The following TMEM150B variants were observed in gnomAD, a reference collection of about 807,000 sequenced individuals.
The protein encoded by TMEM150B is modulator of macroautophagy TMEM150B.
In TMEM150B, 33 loss-of-function variants were observed where a neutral mutation model predicts 25.2. The observed-to-expected ratio is 1.31, with a 90% CI of 0.99 to 1.75. The LOEUF (loss-of-function observed/expected upper bound fraction) is 1.75. Ranked by LOEUF, TMEM150B falls within the 40% of genes most tolerant of loss-of-function variation. The pLI is 0.00. For missense variants in TMEM150B, 322 were observed against 306.1 expected, an observed-to-expected ratio of 1.05 and a Z score of -0.39; for synonymous variants, 133 against 134.8, an observed-to-expected ratio of 0.99 and a Z score of 0.09.
downstream of TMEM150B, chr19:55,311,833 C>A: frequency 6.7e-7 from 1 of 1,484,702 alleles, no homozygotes; most frequent in Non-Finnish European, 9.2e-7. Flanking sequence ...GATGAGGAGA[C>A]TCTGCCCCCA....
downstream of TMEM150B, among the ~76,000 whole-genome samples, chr19:55,310,945 TGAC>T (rs1038199308): frequency 6.6e-5 from 10 of 152,070 alleles, no homozygotes; most frequent in Non-Finnish European, 1.5e-5. The surrounding 1 kb of genome is among the most constrained non-coding windows in gnomAD (Gnocchi z 5.0). Flanking sequence ...GTGGTTGCTA[TGAC>T]AAGCCCCCCA....
intron 6 of TMEM150B, among the ~76,000 whole-genome samples, chr19:55,318,619 G>A (rs2089086594): frequency 1.3e-5 from 2 of 152,112 alleles, no homozygotes; most frequent in African/African-American, 4.8e-5. Flanking sequence ...CTGGGTGACA[G>A]AGCAAGACTC....
chr19:55,316,719 C>T, intron 7 of TMEM150B, 67 bp downstream of exon 7: 2 of 1,365,790 alleles, frequency 1.5e-6, no homozygotes, highest in Middle Eastern at 2.6e-4. Flanking sequence ...TGACAGACAG[C>T]CAGGCAGGAA....
intron 6 of TMEM150B, chr19:55,319,831 C>T: frequency 1.4e-6 from 2 of 1,407,136 alleles, no homozygotes; most frequent in East Asian, 2.6e-5. Context: ...CGAAGTCCTA[C>T]ATACAAACAG....
chr19:55,314,463 A>C (rs1178285858), intron 7 of TMEM150B, among the ~76,000 whole-genome samples: 1 of 152,140 alleles, frequency 6.6e-6, no homozygotes. Context: ...GTGTACCTGC[A>C]GTGTGCCCTC....
At chr19:55,320,722 T>C in intron 3 of TMEM150B, 105 bp from the exon 4 acceptor site, 1 of 1,393,552 alleles carries the variant, frequency 7.2e-7, no homozygotes, top group Non-Finnish European at 1.0e-6. Context: ...AGACCAGGAG[T>C]CCAGGCCCCC....
At chr19:55,311,785 G>A (rs1013663065), downstream of TMEM150B, 1 of 976,262 alleles carries the variant, frequency 1.0e-6, no homozygotes, top group African/African-American at 1.7e-5. Context: ...GCCTTATCAG[G>A]GATTGGAGCT....
downstream of TMEM150B, chr19:55,311,953 C>G: frequency 3.1e-6 from 5 of 1,609,928 alleles, no homozygotes; most frequent in Non-Finnish European, 3.4e-6. Flanking sequence ...GGTGCCCCAC[C>G]CCGAAGCCTG....
chr19:55,313,674 C>T (rs1165024545), intron 7 of TMEM150B, among the ~76,000 whole-genome samples: 1 of 152,168 alleles, frequency 6.6e-6, no homozygotes, highest in Non-Finnish European at 1.5e-5. Flanking sequence ...GTCCTATCTG[C>T]CTTACCCATC....
chr19:55,310,620 C>G (rs2088765236), downstream of TMEM150B, among the ~76,000 whole-genome samples: 1 of 152,156 alleles, frequency 6.6e-6, no homozygotes, highest in African/African-American at 2.4e-5. This position sits in a 1 kb window ranked among gnomAD's most constrained non-coding sequence, Gnocchi z 5.0. Context: ...AGGGGGATGC[C>G]AATGGCCTCT....
At position 55,314,082 on chromosome 19, in the gene TMEM150B, C is replaced by T. The variant is rs149887486; in HGVS notation, c.506-1027G>A. 7.0e-3 allele frequency among the ~76,000 whole-genome samples: 1,059 copies of T among 152,258 alleles called. 8 individuals carry two copies. The highest frequency in any genetic ancestry group is 0.024 in the African/African-American group (1,006 of 41,532). ...TGTGTCCCAGGCTGGAATGCAGTGG[C>T]GTGATCTCGGCTCACTGCAACCTCT... On this transcript the variant is annotated intron_variant, in intron 7 of 7. Coordinates refer to ENST00000326652, the MANE Select transcript of TMEM150B (RefSeq NM_001282011.2).
At chr19:55,313,997 C>T (rs556412959) in intron 7 of TMEM150B, among the ~76,000 whole-genome samples, 2 of 152,184 alleles carry the variant, frequency 1.3e-5, no homozygotes, top group East Asian at 3.9e-4. Flanking sequence ...GCTAGGAGTT[C>T]GAGACCAGTC....
intron 1 of TMEM150B, chr19:55,324,711 A>T (rs1202680898): frequency 3.0e-6 from 3 of 984,560 alleles, no homozygotes; most frequent in Non-Finnish European, 3.6e-6. Flanking sequence ...AGTGGGGCTG[A>T]TAGAGGGCAA....
At chr19:55,312,044 C>T (rs1249036594), downstream of TMEM150B, 3 of 1,483,730 alleles carry the variant, frequency 2.0e-6, no homozygotes, top group South Asian at 2.7e-5. Context: ...AGCTCCTGGC[C>T]ACCAACGGGA....
chr19:55,316,516 G>A (rs980743672), intron 7 of TMEM150B, among the ~76,000 whole-genome samples: 1 of 151,942 alleles, frequency 6.6e-6, no homozygotes, highest in Non-Finnish European at 1.5e-5. Context: ...CAGCCCTGTC[G>A]TTATCCACAT....
In TMEM150B at chr19:55,320,411, A is replaced by G. The variant is rs1249999217; in HGVS notation, c.176T>C (p.Leu59Pro). 1 of 1,572,052 alleles carries G rather than the reference A, an allele frequency of 6.4e-7. No homozygotes were observed. Among genetic ancestry groups the G allele is most frequent in the Non-Finnish European group, 8.6e-7 (1 of 1,157,556 alleles). The change falls in exon 5 of 8, where the codon CTC (leucine) becomes CCC (proline). Residue 59 changes from leucine to proline, a missense_variant. Physicochemically the swap from Leu to Pro is moderately conservative, Grantham distance 98 (BLOSUM62 -3). Coordinates refer to ENST00000326652, the MANE Select transcript of TMEM150B (RefSeq NM_001282011.2). The stretch of plus-strand genomic sequence containing the variant: ...TTTACCCAGAGCAGCTCCCATATTG[A>G]GCACCTGGCTGAAGATGCAGCTCTG... ...PPQSCIFSQVLNMGAALAAWI... is the reference protein window; with the variant it reads ...PPQSCIFSQVPNMGAALAAWI...
intron 7 of TMEM150B, 140 bp downstream of exon 7, chr19:55,316,646 C>T (rs979564288): frequency 9.7e-6 from 9 of 926,522 alleles, no homozygotes; most frequent in East Asian, 3.3e-5. Context: ...TCGGCATTCT[C>T]GATGACAAAG....
At chr19:55,310,221 C>T (rs2088753429), downstream of TMEM150B, among the ~76,000 whole-genome samples, 1 of 152,222 alleles carries the variant, frequency 6.6e-6, no homozygotes, top group Non-Finnish European at 1.5e-5. This position sits in a 1 kb window ranked among gnomAD's most constrained non-coding sequence, Gnocchi z 5.0. Flanking sequence ...ATGGTCTCTG[C>T]AGGCTAACAG....
At chr19:55,320,863 T>A in intron 3 of TMEM150B, 106 bp downstream of exon 3, 1 of 1,284,924 alleles carries the variant, frequency 7.8e-7, no homozygotes, top group Non-Finnish European at 1.0e-6. Flanking sequence ...CTCCCTCAGA[T>A]CCAGGGATCC....
Sources: allele counts gnomAD v4.1 joint callset (sites outside exome capture counted in the v4.1 genomes callset), GRCh38; gene constraint gnomAD v4.1.1; non-coding constraint Gnocchi (gnomAD v3.1); transcripts MANE v1.5; gene names NCBI Gene and HGNC (gene_info 2026-07-23, HGNC 2026-07-21).